CBFA2T3: variants seen among roughly 807,000 people sequenced by gnomAD.
CBFA2T3 encodes transcriptional corepressor CBFA2T3.
A neutral mutation model predicts 58.6 loss-of-function variants in CBFA2T3; 31 were observed. The observed-to-expected ratio is 0.53, with a 90% CI of 0.40 to 0.71. The LOEUF (loss-of-function observed/expected upper bound fraction) is 0.71, where lower values mean the gene tolerates loss of function less well. Among genes scored for constraint, CBFA2T3 ranks in the 30% least tolerant of loss-of-function variants. The probability of loss-of-function intolerance (pLI) is 0.00; values close to 1 mark genes in which losing one functional copy is unlikely to be tolerated. For synonymous variants in CBFA2T3, 531 were observed against 421.9 expected (o/e 1.26, Z -3.17); for missense variants, 1,076 against 963.1 (o/e 1.12, Z -1.55).
intron 11 of CBFA2T3, 36 bp from the exon 12 acceptor site, chr16:88,877,311 C>T: frequency 6.6e-7 from 1 of 1,508,136 alleles, no homozygotes; most frequent in South Asian, 1.2e-5. Flanking sequence ...AGGGCTGGGT[C>T]TGGCCACCCG....
chr16:88,914,227 A>T (rs564364541), intron 1 of CBFA2T3, among the ~76,000 whole-genome samples: 2 of 152,224 alleles, frequency 1.3e-5, no homozygotes, highest in Non-Finnish European at 2.9e-5. Context: ...AGAATCAGGC[A>T]GCAACACTCT....
At chr16:88,889,582 C>T (rs1167268672) in intron 5 of CBFA2T3, among the ~76,000 whole-genome samples, 3 of 152,002 alleles carry the variant, frequency 2.0e-5, no homozygotes, top group African/African-American at 7.3e-5. Context: ...CTGGGGGGAA[C>T]CCAGAGCCTC....
intron 1 of CBFA2T3, among the ~76,000 whole-genome samples, chr16:88,962,828 C>T (rs1407806236): frequency 3.9e-5 from 6 of 152,174 alleles, no homozygotes; most frequent in Non-Finnish European, 2.9e-5. Flanking sequence ...AGATGAGGGG[C>T]GCTGACCCTG....
In CBFA2T3 at chr16:88,909,469, A is replaced by G. The variant is rs12920203; in HGVS notation, c.152-7813T>C. Among the ~76,000 whole-genome samples the G allele has an allele frequency of 6.8e-5, 6 of 88,120 alleles. No homozygotes were observed. In the East Asian group the frequency reaches 1.5e-3, roughly 22 times the overall value. The allele number at this position is 88,120 out of a possible 152,430, so 57.8% of individuals were successfully genotyped here. On this transcript the variant is annotated intron_variant, in intron 1 of 11. Coordinates refer to ENST00000268679, the MANE Select transcript of CBFA2T3 (RefSeq NM_005187.6). ...GGCGGCTGGGACGGAGGACACCACT[A>G]CATCCCGGGTGACCCCGACGGCAGC...
At chr16:88,964,924 CCA>C (rs1972458830) in intron 1 of CBFA2T3, among the ~76,000 whole-genome samples, 1 of 142,568 alleles carries the variant, frequency 7.0e-6, no homozygotes, top group South Asian at 2.1e-4. Context: ...ATCCATCCAT[CCA>C]TCCATCCATC....
chr16:88,916,509 C>T (rs1274597981), intron 1 of CBFA2T3, among the ~76,000 whole-genome samples: 1 of 152,036 alleles, frequency 6.6e-6, no homozygotes, highest in African/African-American at 2.4e-5. Context: ...GTGGGTGTTG[C>T]GTGTGCATGT....
At chr16:88,917,903 C>T (rs1280244804) in intron 1 of CBFA2T3, among the ~76,000 whole-genome samples, 5 of 151,930 alleles carry the variant, frequency 3.3e-5, no homozygotes, top group Admixed American at 3.3e-4. Flanking sequence ...GGGTCACAAT[C>T]CCCTCTGTCC....
intron 1 of CBFA2T3, among the ~76,000 whole-genome samples, chr16:88,956,929 C>T (rs1276557498): frequency 3.3e-5 from 5 of 152,232 alleles, no homozygotes; most frequent in Non-Finnish European, 5.9e-5. Flanking sequence ...TTTGCCAGGG[C>T]CTCTGAAATG....
chr16:88,930,475 C>T (rs938621317), intron 1 of CBFA2T3, among the ~76,000 whole-genome samples: 5 of 152,074 alleles, frequency 3.3e-5, no homozygotes, highest in Admixed American at 6.6e-5. Flanking sequence ...ACACACAAAA[C>T]GTGGTCTTTC....
At chr16:88,959,401 C>T (rs1220642794) in intron 1 of CBFA2T3, among the ~76,000 whole-genome samples, 1 of 152,132 alleles carries the variant, frequency 6.6e-6, no homozygotes. Context: ...GCATGCACGC[C>T]CAGGGCTGGA....
chr16:88,891,462 CAG>C (rs1279916153), intron 5 of CBFA2T3, among the ~76,000 whole-genome samples: 1 of 152,202 alleles, frequency 6.6e-6, no homozygotes, highest in Non-Finnish European at 1.5e-5. Flanking sequence ...GTGCTGGCTC[CAG>C]GAGGGACCTG....
chr16:88,937,730 T>C (rs1971552662), intron 1 of CBFA2T3: 1 of 152,280 alleles, frequency 6.6e-6, no homozygotes, highest in African/African-American at 2.4e-5. Flanking sequence ...TGCATGTGAC[T>C]CTGCCCCCGC....
chr16:88,901,535 G>A lies in CBFA2T3; in HGVS notation c.273C>T (p.Ala91=). 7 of 1,466,304 alleles carry A rather than the reference G, an allele frequency of 4.8e-6. No individual in the cohort carries two copies. Among genetic ancestry groups the A allele is most frequent in the Non-Finnish European group, 6.3e-6 (7 of 1,108,028 alleles). The allele number at this position is 1,466,304 out of a possible 1,614,324, so 90.8% of individuals were successfully genotyped here. A position where few individuals can be genotyped will look rare whatever the true frequency, so the allele number is the denominator to read the frequency against. ...PPPPPAASQG[A]TRPPSFTPHT... is the part of the protein sequence containing the mutation. ...GTGGCGTGAAGGAGGGGGGGCGTGT[G>A]GCCCCCTGGGATGCGGCAGGCGGTG... Residue 91 remains alanine (A), a synonymous_variant, in exon 2 of 12, where the codon GCC becomes GCT. Transcript: ENST00000268679.
At chr16:88,967,380 G>A (rs1206379408) in intron 1 of CBFA2T3, among the ~76,000 whole-genome samples, 1 of 151,960 alleles carries the variant, frequency 6.6e-6, no homozygotes, top group Non-Finnish European at 1.5e-5. Flanking sequence ...ACGGGGACGG[G>A]GCAGGATGCC....
chr16:88,935,019 C>T (rs1161169163), intron 1 of CBFA2T3, among the ~76,000 whole-genome samples: 1 of 152,212 alleles, frequency 6.6e-6, no homozygotes, highest in Non-Finnish European at 1.5e-5. Flanking sequence ...GGATTACAGG[C>T]GTAAGCCACC....
intron 1 of CBFA2T3, among the ~76,000 whole-genome samples, chr16:88,973,701 G>T (rs979104435): frequency 2.6e-5 from 4 of 152,164 alleles, no homozygotes; most frequent in African/African-American, 4.8e-5. Flanking sequence ...CACTTGAGGG[G>T]ATGGAGGATG....
At chr16:88,928,569 C>A (rs1326731181) in intron 1 of CBFA2T3, among the ~76,000 whole-genome samples, 2 of 152,128 alleles carry the variant, frequency 1.3e-5, no homozygotes, top group African/African-American at 4.8e-5. Flanking sequence ...TGAGGGCGTC[C>A]CTGAAGCAGC....
chr16:88,908,571 C>G (rs578132013), intron 1 of CBFA2T3, among the ~76,000 whole-genome samples: 174 of 152,294 alleles, frequency 1.1e-3, no homozygotes, highest in African/African-American at 3.9e-3. Flanking sequence ...TGGGGGCACC[C>G]AGCCCGCCCT....
chr16:88,905,703 G>C (rs1287528645), intron 1 of CBFA2T3, among the ~76,000 whole-genome samples: 1 of 137,926 alleles, frequency 7.3e-6, no homozygotes, highest in African/African-American at 2.9e-5. Context: ...TGAAGGAGGG[G>C]CGGGGCTGGA....
Sources: gnomAD v4.1 joint callset for allele counts (sites outside exome capture counted in the v4.1 genomes callset) on GRCh38, gnomAD v4.1.1 for gene constraint, MANE v1.5 for transcripts, NCBI Gene and HGNC (gene_info 2026-07-23, HGNC 2026-07-21) for gene names.